The following B4GALNT3 variants were observed in gnomAD, a reference collection of about 807,000 sequenced individuals.
The protein encoded by B4GALNT3 is beta-1,4-N-acetylgalactosaminyltransferase 3.
B4GALNT3 carries 86 observed loss-of-function variants against 120.2 expected under a neutral mutation model. The observed-to-expected ratio is 0.72, with a 90% CI of 0.60 to 0.86. B4GALNT3 has a LOEUF of 0.86. B4GALNT3 is among the 40% of genes least tolerant of loss of function. The pLI, the probability that B4GALNT3 is intolerant of heterozygous loss-of-function variation, is 0.00. For synonymous variants in B4GALNT3, 518 were observed against 510.4 expected (o/e 1.01, Z -0.20); for missense variants, 1,167 against 1,298.9 (o/e 0.90, Z 1.56).
At chr12:559,982 T>C (rs1811963201) in intron 19 of B4GALNT3, among the ~76,000 whole-genome samples, 1 of 152,078 alleles carries the variant, frequency 6.6e-6, no homozygotes, top group Admixed American at 6.5e-5. Context: ...ATGAAAAGCC[T>C]CAGAGAAGAA....
intron 19 of B4GALNT3, among the ~76,000 whole-genome samples, chr12:559,759 A>G (rs1344618565): frequency 1.3e-5 from 2 of 152,154 alleles, no homozygotes; most frequent in Non-Finnish European, 2.9e-5. Context: ...CATCCTCCCC[A>G]GCCCGAGGGT....
At chr12:549,308 T>C (rs1947047285) in intron 9 of B4GALNT3, among the ~76,000 whole-genome samples, 1 of 152,204 alleles carries the variant, frequency 6.6e-6, no homozygotes, top group African/African-American at 2.4e-5. Context: ...GCAAATGACT[T>C]AGATTCTCTA....
intron 13 of B4GALNT3, 30 bp downstream of exon 13, chr12:552,558 C>A (rs1947097810): frequency 1.2e-6 from 2 of 1,607,550 alleles, no homozygotes; most frequent in African/African-American, 1.3e-5. Context: ...GCTTCCAGGT[C>A]AGGCTGAGAG....
At position 550,830 on chromosome 12, in the gene B4GALNT3, G is replaced by GAATACAGAA; in HGVS notation, c.998-90_998-82dup. The GAATACAGAA allele has an allele frequency of 9.5e-7, 1 of 1,047,256 alleles. No homozygotes were observed. Among genetic ancestry groups the GAATACAGAA allele is most frequent in the South Asian group, 1.5e-5 (1 of 66,268 alleles). The allele number at this position is 1,047,256 out of a possible 1,614,324, so 64.9% of individuals were successfully genotyped here. A position where few individuals can be genotyped will look rare whatever the true frequency, so the allele number is the denominator to read the frequency against. On this transcript the variant is annotated intron_variant, in intron 10 of 19. Transcript: ENST00000266383. The surrounding 1 kb of genome is among the most constrained non-coding windows in gnomAD (Gnocchi z 4.1). ...TCGGCAGAACACAGCTGCCGCTTGC[G>GAATACAGAA]AATACAGAAAGGGCCCTGCTCAGGG... is the stretch of plus-strand genomic sequence containing the variant.
chr12:533,651 G>A (rs183593621), intron 1 of B4GALNT3, among the ~76,000 whole-genome samples: 1 of 152,238 alleles, frequency 6.6e-6, no homozygotes, highest in East Asian at 1.9e-4. Context: ...CCAGCTCTGT[G>A]ACTTCAGACT....
intron 1 of B4GALNT3, among the ~76,000 whole-genome samples, chr12:482,678 AG>A (rs1946253173): frequency 6.6e-6 from 1 of 152,144 alleles, no homozygotes; most frequent in Non-Finnish European, 1.5e-5. Context: ...AGAGGCACAG[AG>A]GGCTTCAAAA....
At chr12:517,750 G>A (rs1367413763) in intron 1 of B4GALNT3, among the ~76,000 whole-genome samples, 1 of 110,370 alleles carries the variant, frequency 9.1e-6, no homozygotes, top group African/African-American at 2.7e-5. Context: ...GCATGAAGCA[G>A]GGCTGTGCCA....
At chr12:523,077 G>T (rs996324824) in intron 1 of B4GALNT3, among the ~76,000 whole-genome samples, 14 of 151,932 alleles carry the variant, frequency 9.2e-5, no homozygotes, top group Non-Finnish European at 1.5e-4. Context: ...TTCCTTCGAG[G>T]CACCTTTGGA....
rs767282045 is a variant in B4GALNT3 at position 556,711 on chromosome 12, G to T, written c.2225G>T (p.Gly742Val). ...RGWQGIDPAG[G>V]EEVEARNLQG... ...TGGCAGGGCATCGATCCAGCTGGTGGGGAGGAGGTCGAGGCCCGGAACCTG... is the reference window on the plus strand; with the variant it reads ...TGGCAGGGCATCGATCCAGCTGGTGTGGAGGAGGTCGAGGCCCGGAACCTG... Residue 742 changes from glycine (G) to valine (V), a missense_variant, in exon 15 of 20, where the codon GGG (glycine) becomes GTG (valine). Gly to Val is a moderately radical substitution (Grantham distance 109, BLOSUM62 -3). This residue lies in a region of B4GALNT3 where 983 missense variants were observed against 1,102.5 expected (regional missense o/e 0.89). Coordinates refer to ENST00000266383, the MANE Select transcript of B4GALNT3 (RefSeq NM_173593.4). 29 of 1,613,806 alleles carry T rather than the reference G, an allele frequency of 1.8e-5. No homozygotes were observed. Among genetic ancestry groups the T allele is most frequent in the Non-Finnish European group, 2.5e-5 (29 of 1,180,022 alleles).
rs1565584234 is a variant in B4GALNT3 at position 460,543 on chromosome 12, GGAGT to G, written c.168_169+2del. On this transcript the variant is annotated splice_donor_variant and coding_sequence_variant, in exon 1 of 20. Coordinates refer to ENST00000266383, the MANE Select transcript of B4GALNT3 (RefSeq NM_173593.4). LOFTEE classifies it high-confidence loss of function. The surrounding 1 kb of genome is among the most constrained non-coding windows in gnomAD (Gnocchi z 8.0). ...CAGGTCGGCGGGAACCCCCTGAACC[GGAGT>G]AAGTAGCACCCAGGGGAGGCGAAGG... is the stretch of plus-strand genomic sequence containing the variant. 1 of 1,496,386 alleles carries G rather than the reference GGAGT, an allele frequency of 6.7e-7. No individual in the cohort carries two copies. Among genetic ancestry groups the G allele is most frequent in the Non-Finnish European group, 9.0e-7 (1 of 1,115,648 alleles). 92.7% of individuals were successfully genotyped at this position (1,496,386 alleles called of 1,614,324 possible). A position where few individuals can be genotyped will look rare whatever the true frequency, so the allele number is the denominator to read the frequency against.
chr12:479,497 C>T (rs1405024542), intron 1 of B4GALNT3, among the ~76,000 whole-genome samples: 3 of 152,062 alleles, frequency 2.0e-5, no homozygotes, highest in Non-Finnish European at 1.5e-5. Flanking sequence ...CCTTTGGTCA[C>T]CTAACAGCCA....
At chr12:545,028 C>T in intron 5 of B4GALNT3, 56 bp downstream of exon 5, 1 of 1,589,740 alleles carries the variant, frequency 6.3e-7, no homozygotes, top group Non-Finnish European at 8.6e-7. Flanking sequence ...CTGCATCGGA[C>T]CCAAAGAACA....
chr12:491,916 G>T (rs993589513), intron 1 of B4GALNT3, among the ~76,000 whole-genome samples: 1 of 151,972 alleles, frequency 6.6e-6, no homozygotes, highest in Non-Finnish European at 1.5e-5. Flanking sequence ...AAATTAGCCA[G>T]GTGTGGTGGT....
At chr12:543,018 C>T (rs1946936952) in intron 3 of B4GALNT3, 8 of 984,970 alleles carry the variant, frequency 8.1e-6, no homozygotes, top group Non-Finnish European at 9.6e-6. Flanking sequence ...TTCCTGAAAC[C>T]CCAGCCGGCT....
intron 1 of B4GALNT3, among the ~76,000 whole-genome samples, chr12:482,635 T>C (rs1946252661): frequency 6.6e-6 from 1 of 152,204 alleles, no homozygotes; most frequent in South Asian, 2.1e-4. Flanking sequence ...AAGGTCGTTA[T>C]TTCCGGTGAG....
intron 1 of B4GALNT3, among the ~76,000 whole-genome samples, chr12:499,254 C>T (rs1946417276): frequency 6.6e-6 from 1 of 152,242 alleles, no homozygotes; most frequent in African/African-American, 2.4e-5. Flanking sequence ...AAGATCCATG[C>T]AGGTAGCTTC....
chr12:556,488 C>A, intron 14 of B4GALNT3, 59 bp from the exon 15 acceptor site: 2 of 1,488,602 alleles, frequency 1.3e-6, no homozygotes, highest in Non-Finnish European at 1.8e-6. Flanking sequence ...TCTCACACAC[C>A]GTGCTACCCT....
At chr12:478,466 A>G (rs1592013619) in intron 1 of B4GALNT3, among the ~76,000 whole-genome samples, 1 of 152,320 alleles carries the variant, frequency 6.6e-6, no homozygotes, top group South Asian at 2.1e-4. Flanking sequence ...TTGAAGCAAG[A>G]GCTATCAAAT....
intron 1 of B4GALNT3, among the ~76,000 whole-genome samples, chr12:511,729 T>TCCTTCCA (rs147181887): frequency 3.5e-4 from 14 of 40,192 alleles, no homozygotes; most frequent in African/African-American, 2.0e-3. Context: ...CCTTCCACCT[T>TCCTTCCA]CCTTCCACCT....
Sources: allele counts gnomAD v4.1 joint callset (sites outside exome capture counted in the v4.1 genomes callset), GRCh38; gene constraint gnomAD v4.1.1; regional missense constraint gnomAD v4.1.1; non-coding constraint Gnocchi (gnomAD v3.1); transcripts MANE v1.5; gene names NCBI Gene and HGNC (gene_info 2026-07-23, HGNC 2026-07-21).